The following TNFSF9 variants were observed in gnomAD, a reference collection of about 807,000 sequenced individuals.
The protein encoded by TNFSF9 is TNF superfamily member 9, also known as tumor necrosis factor ligand superfamily member 9.
Under a neutral mutation model 10.3 loss-of-function variants are expected in TNFSF9, and 10 were observed. The observed-to-expected ratio is 0.97, with a 90% CI of 0.60 to 1.65. The LOEUF (loss-of-function observed/expected upper bound fraction) is 1.65, where lower values mean the gene tolerates loss of function less well. TNFSF9 is among the 40% of genes most tolerant of loss of function. The pLI, the probability that TNFSF9 is intolerant of heterozygous loss-of-function variation, is 0.00. For missense variants in TNFSF9, 361 were observed against 348.9 expected (o/e 1.03, Z -0.28); for synonymous variants, 195 against 176.1 (o/e 1.11, Z -0.85).
In TNFSF9 at chr19:6,535,029, A is replaced by C. The variant is rs2145288444; in HGVS notation, c.728A>C (p.Glu243Ala). ...TTGGGACTCTTCCGGGTGACCCCCG[A>C]AATCCCAGCCGGACTCCCTTCACCG... ...TVLGLFRVTP[E>A]IPAGLPSPRS... Residue 243 changes from glutamate to alanine, a missense_variant, in exon 3 of 3, where the codon GAA becomes GCA. Glu to Ala is a moderately radical substitution (Grantham distance 107, BLOSUM62 -1). Coordinates refer to ENST00000245817, the MANE Select transcript of TNFSF9 (RefSeq NM_003811.4). 1 of 1,585,312 alleles carries C rather than the reference A, an allele frequency of 6.3e-7. No individual in the cohort carries two copies. The highest frequency in any genetic ancestry group is 2.3e-5 in the East Asian group (1 of 44,424).
At chr19:6,534,085 C>G (rs1334211683) in intron 2 of TNFSF9, among the ~76,000 whole-genome samples, 1 of 139,884 alleles carries the variant, frequency 7.1e-6, no homozygotes, top group East Asian at 2.3e-4. Context: ...TCTCCTCCCC[C>G]CATCTCCATC....
chr19:6,533,847 C>T (rs1046328865), intron 2 of TNFSF9, among the ~76,000 whole-genome samples: 1 of 30,818 alleles, frequency 3.2e-5, no homozygotes, highest in Non-Finnish European at 6.3e-5. Flanking sequence ...TCCCTGCCAT[C>T]TTCTCTCCTT....
chr19:6,534,474 T>TCCCCCCCC, intron 2 of TNFSF9, 126 bp from the exon 3 acceptor site: 1 of 546,130 alleles, frequency 1.8e-6, no homozygotes, highest in Non-Finnish European at 2.6e-6. Flanking sequence ...GCCCCGCCAT[T>TCCCCCCCC]CCCCGCCCCC....
chr19:6,534,680 A>C lies in TNFSF9; in HGVS notation c.379A>C (p.Lys127Gln), dbSNP rs1486186164. The C allele has an allele frequency of 1.3e-6, 2 of 1,593,358 alleles. No individual in the cohort carries two copies. The highest frequency in any genetic ancestry group is 3.5e-5 in the Admixed American group (2 of 56,730). The change falls in exon 3 of 3, where the codon AAA becomes CAA. Residue 127 changes from lysine to glutamine, a missense_variant. Physicochemically the swap from Lys to Gln is moderately conservative, Grantham distance 53. Transcript: ENST00000245817. Reference protein sequence around the residue: ...GVSLTGGLSYKEDTKELVVAK... With the variant: ...GVSLTGGLSYQEDTKELVVAK... ...GTCCCTGACGGGGGGCCTGAGCTAC[A>C]AAGAGGACACGAAGGAGCTGGTGGT... is the stretch of plus-strand genomic sequence containing the variant.
rs1359627076 is a variant in TNFSF9, at chr19:6,535,727, G to A, written c.*661G>A. 1 of 152,068 alleles carries A rather than the reference G, an allele frequency of 6.6e-6. No homozygotes were observed. The highest frequency in any genetic ancestry group is 1.9e-4 in the East Asian group (1 of 5,194). The allele number at this position is 152,068 out of a possible 1,614,324, so 9.4% of individuals were successfully genotyped here. A position where few individuals can be genotyped will look rare whatever the true frequency, so the allele number is the denominator to read the frequency against. On this transcript the variant is annotated 3_prime_UTR_variant, in exon 3 of 3. Coordinates refer to ENST00000245817, the MANE Select transcript of TNFSF9 (RefSeq NM_003811.4). Reference sequence around the variant, plus strand: ...GGCTAGAATGCAGCGGTGCAATCATGAGTCAATGCAGCCTCCAGCCTCGAC... The same window carrying A: ...GGCTAGAATGCAGCGGTGCAATCATAAGTCAATGCAGCCTCCAGCCTCGAC...
At chr19:6,532,673 A>G (rs1568420251) in intron 1 of TNFSF9, 113 bp from the exon 2 acceptor site, 16 of 1,429,808 alleles carry the variant, frequency 1.1e-5, no homozygotes, top group Non-Finnish European at 1.5e-5. Context: ...AGGGAAGCGT[A>G]GGCTTCAGGT....
intron 2 of TNFSF9, among the ~76,000 whole-genome samples, chr19:6,534,315 C>G (rs1915216935): frequency 6.6e-6 from 1 of 151,588 alleles, no homozygotes; most frequent in African/African-American, 2.4e-5. Flanking sequence ...CCCTGGATTC[C>G]CTTCCTCTGT....
At position 6,531,192 on chromosome 19, in the gene TNFSF9, C is replaced by T. The variant is rs937483318; in HGVS notation, c.156C>T (p.Pro52=). 5 of 1,570,588 alleles carry T rather than the reference C, an allele frequency of 3.2e-6. No homozygotes were observed. Among genetic ancestry groups the T allele is most frequent in the Non-Finnish European group, 4.3e-6 (5 of 1,160,288 alleles). The part of the protein sequence containing the change: ...AAACAVFLAC[P]WAVSGARASP... ...CCTGCGCCGTCTTCCTCGCCTGCCCCTGGGCCGTGTCCGGGGCTCGCGCCT... is the reference window on the plus strand; with the variant it reads ...CCTGCGCCGTCTTCCTCGCCTGCCCTTGGGCCGTGTCCGGGGCTCGCGCCT... The change falls in exon 1 of 3, where the codon CCC becomes CCT. Residue 52 remains proline, a synonymous_variant. Coordinates refer to ENST00000245817, the MANE Select transcript of TNFSF9 (RefSeq NM_003811.4).
intron 2 of TNFSF9, among the ~76,000 whole-genome samples, chr19:6,533,914 T>TCGAAGTC (rs1011264624): frequency 1.4e-5 from 1 of 70,268 alleles, no homozygotes; most frequent in Non-Finnish European, 3.1e-5. Context: ...TTGCCTTTCT[T>TCGAAGTC]CGAAGTCCTC....
chr19:6,532,931 C>T (rs1464588598), intron 2 of TNFSF9, 115 bp downstream of exon 2: 1 of 1,445,040 alleles, frequency 6.9e-7, no homozygotes, highest in Non-Finnish European at 9.7e-7. Flanking sequence ...TGACCCTTGA[C>T]CGCTGCTGTC....
chr19:6,531,076 C>G lies in TNFSF9; in HGVS notation c.40C>G (p.Pro14Ala), dbSNP rs1300202439. Reference sequence around the variant, plus strand: ...TGACGCTTCACTGGACCCCGAAGCCCCGTGGCCTCCCGCGCCCCGCGCTCG... The same window carrying G: ...TGACGCTTCACTGGACCCCGAAGCCGCGTGGCCTCCCGCGCCCCGCGCTCG... ...ASDASLDPEA[P>A]WPPAPRARAC... The change falls in exon 1 of 3, where the codon CCG (proline) becomes GCG (alanine). Residue 14 changes from proline (P) to alanine (A), a missense_variant. Transcript: ENST00000245817. 2 of 1,610,950 alleles carry G rather than the reference C, an allele frequency of 1.2e-6. No homozygotes were observed. Among genetic ancestry groups the G allele is most frequent in the African/African-American group, 2.7e-5 (2 of 74,718 alleles).
Position 6,531,290 on chromosome 19 carries a change from T to C in TNFSF9, c.254T>C (p.Leu85Ser). 1 of 1,499,716 alleles carries C rather than the reference T, an allele frequency of 6.7e-7. No homozygotes were observed. The highest frequency in any genetic ancestry group is 1.5e-5 in the African/African-American group (1 of 68,736). 92.9% of individuals were successfully genotyped at this position (1,499,716 alleles called of 1,614,324 possible). Residue 85 changes from leucine to serine, a missense_variant, in exon 1 of 3, where the codon TTG (leucine) becomes TCG (serine). By Grantham distance (145) the Leu-to-Ser change is moderately radical. Coordinates refer to ENST00000245817, the MANE Select transcript of TNFSF9 (RefSeq NM_003811.4). Reference protein sequence around the residue: ...ELSPDDPAGLLDLRQGMFAQL... With the variant: ...ELSPDDPAGLSDLRQGMFAQL... ...TCGCCCGACGATCCCGCCGGCCTCTTGGACCTGCGGCAGGTGAGACGTGCC... is the reference window on the plus strand; with the variant it reads ...TCGCCCGACGATCCCGCCGGCCTCTCGGACCTGCGGCAGGTGAGACGTGCC...
chr19:6,533,144 C>T (rs1915184099), intron 2 of TNFSF9, among the ~76,000 whole-genome samples: 1 of 151,794 alleles, frequency 6.6e-6, no homozygotes, highest in Non-Finnish European at 1.5e-5. Flanking sequence ...AACCCTCTTC[C>T]CCGCTGCTTT....
At chr19:6,534,403 A>C (rs1599430003) in intron 2 of TNFSF9, among the ~76,000 whole-genome samples, 197 bp from the exon 3 acceptor site, 1 of 90,204 alleles carries the variant, frequency 1.1e-5, no homozygotes, top group Non-Finnish European at 2.4e-5. Flanking sequence ...CTCTTCAATC[A>C]GCACCCCCCC....
In TNFSF9 at chr19:6,531,260, A is replaced by G; in HGVS notation, c.224A>G (p.Glu75Gly). Residue 75 changes from glutamate (E) to glycine (G), a missense_variant, in exon 1 of 3, where the codon GAG becomes GGG. Coordinates refer to ENST00000245817, the MANE Select transcript of TNFSF9 (RefSeq NM_003811.4). Reference protein sequence around the residue: ...AASPRLREGPELSPDDPAGLL... With the variant: ...AASPRLREGPGLSPDDPAGLL... ...AGCCCGAGACTCCGCGAGGGTCCCG[A>G]GCTTTCGCCCGACGATCCCGCCGGC... 4.0e-6 allele frequency: 6 copies of G among 1,512,724 alleles called. No homozygotes were observed. Among genetic ancestry groups the G allele is most frequent in the Non-Finnish European group, 5.3e-6 (6 of 1,139,466 alleles). 93.7% of individuals were successfully genotyped at this position (1,512,724 alleles called of 1,614,324 possible).
Position 6,534,663 on chromosome 19 carries a change from CG to C in TNFSF9, c.368del (p.Gly123AlafsTer2), listed in dbSNP as rs951407455. 1 of 1,590,406 alleles carries C rather than the reference CG, an allele frequency of 6.3e-7. No homozygotes were observed. Among genetic ancestry groups the C allele is most frequent in the Non-Finnish European group, 8.6e-7 (1 of 1,169,088 alleles). On this transcript the variant is annotated frameshift_variant, in exon 3 of 3. Transcript: ENST00000245817. LOFTEE classifies it low-confidence loss of function (END_TRUNC). ...CCAGGCCTGGCAGGCGTGTCCCTGA[CG>C]GGGGGCCTGAGCTACAAAGAGGACA... ...SDPGLAGVSL[T>X]GGLSYKEDTK...
rs757352787 is a variant in TNFSF9, at chr19:6,531,256, C to G, written c.220C>G (p.Pro74Ala). Residue 74 changes from proline to alanine, a missense_variant, in exon 1 of 3, where the codon CCC (proline) becomes GCC (alanine). Physicochemically the swap from Pro to Ala is conservative, Grantham distance 27. Coordinates refer to ENST00000245817, the MANE Select transcript of TNFSF9 (RefSeq NM_003811.4). ...GGCCAGCCCGAGACTCCGCGAGGGT[C>G]CCGAGCTTTCGCCCGACGATCCCGC... ...SAASPRLREG[P>A]ELSPDDPAGL... 6.6e-7 allele frequency: 1 copy of G among 1,521,804 alleles called. No homozygotes were observed. The highest frequency in any genetic ancestry group is 8.7e-7 in the Non-Finnish European group (1 of 1,143,494). 94.3% of individuals were successfully genotyped at this position (1,521,804 alleles called of 1,614,324 possible).
At position 6,535,194 on chromosome 19, in the gene TNFSF9, A is replaced by C; in HGVS notation, c.*128A>C. On this transcript the variant is annotated 3_prime_UTR_variant, in exon 3 of 3. Transcript: ENST00000245817. ...GGCTTGGCAGGGGTCCCTGCTGCTG[A>C]CCTCCCCTTGAGGACCCTCCTCACC... 1 of 1,045,346 alleles carries C rather than the reference A, an allele frequency of 9.6e-7. No homozygotes were observed. Among genetic ancestry groups the C allele is most frequent in the Non-Finnish European group, 1.3e-6 (1 of 765,366 alleles). 64.8% of individuals were successfully genotyped at this position (1,045,346 alleles called of 1,614,324 possible). A position where few individuals can be genotyped will look rare whatever the true frequency, so the allele number is the denominator to read the frequency against.
Position 6,532,820 on chromosome 19 carries a change from A to G in TNFSF9, c.298+4A>G. On this transcript the variant is annotated splice_donor_region_variant and intron_variant, in intron 2 of 2. Coordinates refer to ENST00000245817, the MANE Select transcript of TNFSF9 (RefSeq NM_003811.4). ...GCGCAGCTGGTGGCCCAAAATGGTA[A>G]GTATCCTCCGCCACTTCCGGTCCCT... 1.2e-6 allele frequency: 2 copies of G among 1,613,722 alleles called. No individual in the cohort carries two copies. Among genetic ancestry groups the G allele is most frequent in the East Asian group, 2.2e-5 (1 of 44,876 alleles).
Sources: allele counts gnomAD v4.1 joint callset (sites outside exome capture counted in the v4.1 genomes callset), GRCh38; gene constraint gnomAD v4.1.1; transcripts MANE v1.5; gene names NCBI Gene and HGNC (gene_info 2026-07-23, HGNC 2026-07-21).